The following SAMMSON variants were observed in gnomAD, a reference collection of about 807,000 sequenced individuals.
The protein encoded by SAMMSON is long intergenic non-protein coding RNA 1212.
chr3:70,259,856 T>C (rs1222185600), intron 6 of SAMMSON, among the ~76,000 whole-genome samples: 1 of 152,058 alleles, frequency 6.6e-6, no homozygotes, highest in East Asian at 1.9e-4. Context: ...CTCAGGAAAC[T>C]TACAATCATG....
At chr3:70,404,286 G>A (rs1701162923) in intron 2 of SAMMSON, among the ~76,000 whole-genome samples, 2 of 151,962 alleles carry the variant, frequency 1.3e-5, no homozygotes, top group Admixed American at 6.6e-5. Flanking sequence ...ACACAATTAT[G>A]AAAAAACTCA....
intron 7 of SAMMSON, among the ~76,000 whole-genome samples, chr3:70,296,986 C>T (rs993594239): frequency 6.6e-6 from 1 of 151,938 alleles, no homozygotes. Context: ...TATCCCCATG[C>T]TCCCCAACCG....
intron 3 of SAMMSON, among the ~76,000 whole-genome samples, chr3:70,044,813 G>T: frequency 6.8e-6 from 1 of 146,876 alleles, no homozygotes. Flanking sequence ...CACATAAAAA[G>T]GAAATAATTG....
chr3:70,101,420 G>T (rs553290431), intron 4 of SAMMSON, among the ~76,000 whole-genome samples: 1 of 151,870 alleles, frequency 6.6e-6, no homozygotes, highest in Non-Finnish European at 1.5e-5. Flanking sequence ...TACAAGAATT[G>T]CATTATAAGA....
At chr3:70,185,669 T>G (rs963360908) in intron 4 of SAMMSON, among the ~76,000 whole-genome samples, 12 of 152,012 alleles carry the variant, frequency 7.9e-5, no homozygotes, top group Non-Finnish European at 1.6e-4. Flanking sequence ...TAAAGTCAGC[T>G]TCTACCTTCT....
chr3:70,327,056 C>A (rs180889780), intron 7 of SAMMSON, among the ~76,000 whole-genome samples: 210 of 152,094 alleles, frequency 1.4e-3, no homozygotes, highest in Non-Finnish European at 2.0e-3. Flanking sequence ...TGGGGTTTCG[C>A]CATGTTGACC....
intron 3 of SAMMSON, among the ~76,000 whole-genome samples, chr3:70,038,351 C>T (rs1237629952): frequency 6.6e-6 from 1 of 152,116 alleles, no homozygotes; most frequent in African/African-American, 2.4e-5. Flanking sequence ...TGTTTTCTCT[C>T]ACCATGTGAT....
At position 70,029,085 on chromosome 3, in the gene SAMMSON, T is replaced by G. The variant is rs1387490538; in HGVS notation, n.417+15413T>G. Among the ~76,000 whole-genome samples, 3 of 152,176 alleles carry G rather than the reference T, an allele frequency of 2.0e-5. No homozygotes were observed. In the East Asian group the frequency reaches 5.8e-4, roughly 29 times the overall value. On this transcript the variant is annotated intron_variant and non_coding_transcript_variant, in intron 3 of 9. Transcript: ENST00000642114. ...TATTGCAGGTGCATGTAATTTAAAA[T>G]TAATCCTGTGTCTTCTTCTGCATCA... is the stretch of plus-strand genomic sequence containing the variant.
intron 4 of SAMMSON, among the ~76,000 whole-genome samples, chr3:70,195,686 A>G (rs576013220): frequency 1.3e-5 from 2 of 152,184 alleles, no homozygotes; most frequent in South Asian, 2.1e-4. Flanking sequence ...TTACTCATGC[A>G]TGATGCTTTT....
chr3:70,103,279 A>T (rs1288168872), intron 4 of SAMMSON, among the ~76,000 whole-genome samples: 1 of 152,176 alleles, frequency 6.6e-6, no homozygotes, highest in East Asian at 1.9e-4. Context: ...GGCCAAACAA[A>T]ATATGCCAGA....
At chr3:70,092,741 G>C (rs1178901335) in intron 4 of SAMMSON, among the ~76,000 whole-genome samples, 1 of 151,904 alleles carries the variant, frequency 6.6e-6, no homozygotes, top group Non-Finnish European at 1.5e-5. Context: ...TGTTCACTTG[G>C]TATCTCATCT....
At chr3:70,020,545 A>G (rs1443941497) in intron 3 of SAMMSON, among the ~76,000 whole-genome samples, 1 of 152,072 alleles carries the variant, frequency 6.6e-6, no homozygotes, top group African/African-American at 2.4e-5. Flanking sequence ...GGTGGTGTTT[A>G]TTGCAGAGTC....
chr3:70,262,986 C>A (rs1245355908), intron 6 of SAMMSON, among the ~76,000 whole-genome samples: 1 of 152,068 alleles, frequency 6.6e-6, no homozygotes, highest in East Asian at 1.9e-4. Flanking sequence ...TTAATACTAT[C>A]CAGGGAAATT....
intron 4 of SAMMSON, among the ~76,000 whole-genome samples, chr3:70,105,954 G>C (rs1017406515): frequency 2.0e-5 from 3 of 152,116 alleles, no homozygotes; most frequent in Non-Finnish European, 2.9e-5. Flanking sequence ...CATGGAAAGA[G>C]AAATTTCAGG....
At chr3:70,408,745 C>G (rs1426088374) in intron 2 of SAMMSON, among the ~76,000 whole-genome samples, 8 of 152,160 alleles carry the variant, frequency 5.3e-5, no homozygotes, top group African/African-American at 1.9e-4. Flanking sequence ...CAAACTCTGC[C>G]TGTTACCCAG....
chr3:70,023,569 G>A (rs185615084), intron 3 of SAMMSON, among the ~76,000 whole-genome samples: 1 of 151,996 alleles, frequency 6.6e-6, no homozygotes, highest in East Asian at 1.9e-4. Context: ...TCATGCCACT[G>A]TTCAAAATTA....
chr3:70,250,520 A>G (rs1329969502), intron 6 of SAMMSON, among the ~76,000 whole-genome samples: 1 of 152,116 alleles, frequency 6.6e-6, no homozygotes, highest in Non-Finnish European at 1.5e-5. Context: ...GAGCTTTTAG[A>G]TAAATATTTT....
At chr3:70,281,818 A>T (rs1379835229) in intron 6 of SAMMSON, among the ~76,000 whole-genome samples, 2 of 152,176 alleles carry the variant, frequency 1.3e-5, no homozygotes, top group African/African-American at 4.8e-5. Flanking sequence ...TCATAAGTGC[A>T]CCTTGTTTAC....
intron 4 of SAMMSON, among the ~76,000 whole-genome samples, chr3:70,077,886 C>T (rs1279022996): frequency 6.6e-6 from 1 of 152,150 alleles, no homozygotes; most frequent in African/African-American, 2.4e-5. Context: ...TTTCCCTTTG[C>T]ATTCACTCCT....
Sources: gnomAD v4.1 joint callset for allele counts (sites outside exome capture counted in the v4.1 genomes callset) on GRCh38, gnomAD v4.1.1 for gene constraint, MANE v1.5 for transcripts, NCBI Gene and HGNC (gene_info 2026-07-23, HGNC 2026-07-21) for gene names.